PCGF5: variants seen among roughly 807,000 people sequenced by gnomAD.
PCGF5 encodes the protein polycomb group ring finger 5.
Under a neutral mutation model 44.3 loss-of-function variants are expected in PCGF5, and 9 were observed. That is an observed-to-expected ratio of 0.20 (90% CI 0.12 to 0.35). The LOEUF is 0.35. Among genes scored for constraint, PCGF5 ranks in the 10% least tolerant of loss-of-function variants. PCGF5 has a pLI of 1.00. For synonymous variants in PCGF5, 95 were observed against 102.5 expected (o/e 0.93, Z 0.44); for missense variants, 146 against 305.3 (o/e 0.48, Z 3.89).
chr10:91,247,828 TG>T (rs1332534044), intron 3 of PCGF5, among the ~76,000 whole-genome samples: 2 of 152,180 alleles, frequency 1.3e-5, no homozygotes, highest in African/African-American at 4.8e-5. Flanking sequence ...TATCAGCTGT[TG>T]CTGCATAACA....
At chr10:91,241,521 C>T (rs1225770887) in intron 3 of PCGF5, among the ~76,000 whole-genome samples, 2 of 152,150 alleles carry the variant, frequency 1.3e-5, no homozygotes, top group African/African-American at 2.4e-5. Context: ...CGTATGTCCT[C>T]ACCACTAGAC....
At chr10:91,222,112 T>C (rs1844699479) in intron 1 of PCGF5, among the ~76,000 whole-genome samples, 1 of 152,180 alleles carries the variant, frequency 6.6e-6, no homozygotes, top group Admixed American at 6.5e-5. Flanking sequence ...GGAAACATTT[T>C]TCTGTTTGTA....
At chr10:91,222,463 G>A (rs1418242275) in intron 1 of PCGF5, among the ~76,000 whole-genome samples, 4 of 152,180 alleles carry the variant, frequency 2.6e-5, no homozygotes, top group Non-Finnish European at 4.4e-5. Flanking sequence ...AGCTTTGGGT[G>A]TCATTAGTAT....
intron 6 of PCGF5, among the ~76,000 whole-genome samples, chr10:91,253,100 T>G (rs1446451726): frequency 2.0e-5 from 3 of 152,138 alleles, no homozygotes; most frequent in Non-Finnish European, 4.4e-5. Flanking sequence ...ACTTGATATA[T>G]GTAAGTATGT....
At chr10:91,163,013 C>T (rs1213320855) in exon 1 of PCGF5, 1 of 146,476 alleles carries the variant, frequency 6.8e-6, no homozygotes, top group Non-Finnish European at 1.5e-5. Flanking sequence ...ACCTACCGCC[C>T]CACGCGCGCG....
At chr10:91,237,783 CT>C (rs1845207867) in intron 2 of PCGF5, among the ~76,000 whole-genome samples, 1 of 151,834 alleles carries the variant, frequency 6.6e-6, no homozygotes, top group Non-Finnish European at 1.5e-5. Flanking sequence ...GAATTTATGT[CT>C]TTTTGCTGCC....
intron 1 of PCGF5, among the ~76,000 whole-genome samples, chr10:91,165,501 G>T (rs1012181230): frequency 1.3e-5 from 2 of 152,146 alleles, no homozygotes; most frequent in African/African-American, 4.8e-5. Flanking sequence ...TAGTATGAAG[G>T]TTTTTTGTTT....
At chr10:91,244,048 C>T (rs149824440) in intron 3 of PCGF5, among the ~76,000 whole-genome samples, 19 of 152,184 alleles carry the variant, frequency 1.2e-4, no homozygotes, top group African/African-American at 4.6e-4. Flanking sequence ...GATCTTTGCC[C>T]TTGTAGATTT....
At chr10:91,166,176 C>CTTAA (rs2133158136) in intron 1 of PCGF5, among the ~76,000 whole-genome samples, 1 of 152,282 alleles carries the variant, frequency 6.6e-6, no homozygotes, top group Admixed American at 6.5e-5. Flanking sequence ...TCATAAAGAG[C>CTTAA]TTAAGTGGTT....
intron 3 of PCGF5, among the ~76,000 whole-genome samples, chr10:91,244,024 G>A (rs1210818301): frequency 1.3e-5 from 2 of 152,128 alleles, no homozygotes; most frequent in South Asian, 2.1e-4. Flanking sequence ...AGGTCCATTC[G>A]CAGACAAAAT....
chr10:91,209,052 C>A (rs1199882293), intron 1 of PCGF5, among the ~76,000 whole-genome samples: 1 of 152,134 alleles, frequency 6.6e-6, no homozygotes, highest in Non-Finnish European at 1.5e-5. Context: ...GGCACTCTGG[C>A]CATTTGTAGT....
rs1182092373 is a variant in PCGF5 at position 91,282,619 on chromosome 10, G to A, written c.*4303G>A. ...CAAGAGGAAGTTCCATATCCCCCTT[G>A]TACCATTTCTCCTTGGGAACTCATG... is the stretch of plus-strand genomic sequence containing the variant. On this transcript the variant is annotated 3_prime_UTR_variant, in exon 10 of 10. Coordinates refer to ENST00000336126, the MANE Select transcript of PCGF5 (RefSeq NM_032373.5). 9 of 152,692 alleles carry A rather than the reference G, an allele frequency of 5.9e-5. No individual in the cohort carries two copies. In the South Asian group the frequency reaches 1.9e-3, roughly 32 times the overall value. 9.5% of individuals were successfully genotyped at this position (152,692 alleles called of 1,614,324 possible).
intron 1 of PCGF5, among the ~76,000 whole-genome samples, chr10:91,204,185 C>G (rs1036245447): frequency 1.3e-5 from 2 of 152,096 alleles, no homozygotes; most frequent in African/African-American, 4.8e-5. Flanking sequence ...TATGTCTACT[C>G]TTTACTCCTC....
At chr10:91,265,937 A>G (rs528027592) in intron 8 of PCGF5, among the ~76,000 whole-genome samples, 105 of 152,332 alleles carry the variant, frequency 6.9e-4, no homozygotes, top group African/African-American at 2.5e-3. Context: ...TTTGTGGCTC[A>G]TATTTTTAAA....
intron 7 of PCGF5, among the ~76,000 whole-genome samples, chr10:91,262,263 T>C (rs185726721): frequency 8.5e-5 from 13 of 152,114 alleles, no homozygotes; most frequent in Admixed American, 5.9e-4. Context: ...CTGTGTGTTC[T>C]AAAAATATAA....
rs1185746673 is a variant in PCGF5, at chr10:91,278,282, T to G, written c.737T>G (p.Val246Gly). 1 of 1,610,506 alleles carries G rather than the reference T, an allele frequency of 6.2e-7. No homozygotes were observed. The highest frequency in any genetic ancestry group is 8.5e-7 in the Non-Finnish European group (1 of 1,176,796). Residue 246 changes from valine (V) to glycine (G), a missense_variant, in exon 10 of 10, where the codon GTA becomes GGA. By Grantham distance (109) the Val-to-Gly change is moderately radical (BLOSUM62 -3). Transcript: ENST00000336126. ...DGPLYQSYPM[V>G]LQYRPRIDFG ...TTTATTTTGTAGTCATACCCTATGG[T>G]ACTGCAGTATCGACCAAGAATTGAT...
At chr10:91,201,303 C>T (rs1367338734) in intron 1 of PCGF5, among the ~76,000 whole-genome samples, 1 of 152,116 alleles carries the variant, frequency 6.6e-6, no homozygotes, top group Admixed American at 6.5e-5. Context: ...CTGAGTGTGT[C>T]AGCTCAGGTC....
chr10:91,180,942 G>A (rs1057260545), intron 1 of PCGF5, among the ~76,000 whole-genome samples: 14 of 152,230 alleles, frequency 9.2e-5, no homozygotes, highest in African/African-American at 3.4e-4. Context: ...GCTTTGGGCA[G>A]TATGGCCATT....
chr10:91,201,214 G>T (rs1011899140), intron 1 of PCGF5, among the ~76,000 whole-genome samples: 2 of 152,124 alleles, frequency 1.3e-5, no homozygotes, highest in African/African-American at 4.8e-5. Context: ...GACATCCAAG[G>T]GTGAGGTATC....
Sources: gnomAD v4.1 joint callset for allele counts (sites outside exome capture counted in the v4.1 genomes callset) on GRCh38, gnomAD v4.1.1 for gene constraint, MANE v1.5 for transcripts, NCBI Gene and HGNC (gene_info 2026-07-23, HGNC 2026-07-21) for gene names.